Variants in SPCS2 observed in about 807,000 individuals in gnomAD.
SPCS2 encodes SPase 25 kDa subunit.
SPCS2 carries 3 observed loss-of-function variants against 22.3 expected under a neutral mutation model. That is an observed-to-expected ratio of 0.13 (90% CI 0.06 to 0.35). The LOEUF (loss-of-function observed/expected upper bound fraction) is 0.35. SPCS2 is among the 10% of genes least tolerant of loss of function. The probability of loss-of-function intolerance (pLI) is 1.00; values close to 1 mark genes in which losing one functional copy is unlikely to be tolerated. For synonymous variants in SPCS2, 67 were observed against 97.2 expected (o/e 0.69, Z 1.83); for missense variants, 169 against 280.9 (o/e 0.60, Z 2.85).
intron 1 of SPCS2, among the ~76,000 whole-genome samples, chr11:74,955,110 C>A (rs1948469420): frequency 6.6e-6 from 1 of 152,146 alleles, no homozygotes; most frequent in African/African-American, 2.4e-5. Flanking sequence ...AAATCAGAAT[C>A]TTCATATATC....
rs1180468421 is a variant in SPCS2, at chr11:74,978,339, T to A, written c.*1296T>A. ...TCTCGCACCACATGGTAGGGAATTG[T>A]GAACAACACTGGACAGAAAGTTAAA... On this transcript the variant is annotated 3_prime_UTR_variant, in exon 5 of 5. Coordinates refer to ENST00000263672, the MANE Select transcript of SPCS2 (RefSeq NM_014752.3). 1.3e-5 allele frequency: 2 copies of A among 152,264 alleles called. No homozygotes were observed. The highest frequency in any genetic ancestry group is 2.9e-5 in the Non-Finnish European group (2 of 68,050). The allele number at this position is 152,264 out of a possible 1,614,324, so 9.4% of individuals were successfully genotyped here.
intron 1 of SPCS2, among the ~76,000 whole-genome samples, chr11:74,950,246 C>T (rs1034538571): frequency 5.9e-5 from 9 of 152,146 alleles, no homozygotes; most frequent in Non-Finnish European, 7.3e-5. Flanking sequence ...TATGCTTGCT[C>T]TCTCTATATC....
At chr11:74,959,034 G>T (rs1211036134) in intron 1 of SPCS2, among the ~76,000 whole-genome samples, 2 of 152,052 alleles carry the variant, frequency 1.3e-5, no homozygotes, top group South Asian at 2.1e-4. Context: ...GGTTTCTCTC[G>T]GATGCCTCAT....
intron 3 of SPCS2, among the ~76,000 whole-genome samples, chr11:74,966,317 G>A (rs1948545341): frequency 6.6e-6 from 1 of 152,174 alleles, no homozygotes; most frequent in Admixed American, 6.5e-5. Context: ...TGGAGACTCA[G>A]ATCTGTATTA....
chr11:74,971,012 C>T (rs938393178), intron 4 of SPCS2, among the ~76,000 whole-genome samples: 2 of 152,128 alleles, frequency 1.3e-5, no homozygotes, highest in Admixed American at 1.3e-4. Flanking sequence ...TAGCTAATCA[C>T]TTCCCTATCC....
chr11:74,970,885 C>T (rs1441322322), intron 4 of SPCS2, among the ~76,000 whole-genome samples: 1 of 152,122 alleles, frequency 6.6e-6, no homozygotes, highest in Non-Finnish European at 1.5e-5. Flanking sequence ...ACATACAGTT[C>T]ACCCATTTAA....
chr11:74,969,421 AT>A, intron 3 of SPCS2, 143 bp from the exon 4 acceptor site: 1 of 725,984 alleles, frequency 1.4e-6, no homozygotes, highest in East Asian at 2.7e-5. Flanking sequence ...TGAAAATGAA[AT>A]AGCTAAATTT....
chr11:74,953,576 C>T (rs1948459064), intron 1 of SPCS2, among the ~76,000 whole-genome samples: 1 of 152,132 alleles, frequency 6.6e-6, no homozygotes, highest in Non-Finnish European at 1.5e-5. Flanking sequence ...TTTCACTTGC[C>T]ATAAAGAAGT....
chr11:74,954,239 A>T (rs902919770), intron 1 of SPCS2, among the ~76,000 whole-genome samples: 1 of 152,240 alleles, frequency 6.6e-6, no homozygotes, highest in African/African-American at 2.4e-5. Context: ...CCTGAAACTC[A>T]TATGATACTT....
intron 4 of SPCS2, among the ~76,000 whole-genome samples, chr11:74,972,942 A>T (rs1287485289): frequency 6.6e-6 from 1 of 150,716 alleles, no homozygotes; most frequent in Non-Finnish European, 1.5e-5. Context: ...CAAGGGATAT[A>T]TCATTCTCAG....
At chr11:74,967,328 A>T (rs768865687) in intron 3 of SPCS2, among the ~76,000 whole-genome samples, 1 of 152,254 alleles carries the variant, frequency 6.6e-6, no homozygotes, top group Non-Finnish European at 1.5e-5. Context: ...CAACATTATT[A>T]CAAATATCTG....
chr11:74,953,954 T>G (rs776056746), intron 1 of SPCS2, among the ~76,000 whole-genome samples: 1 of 152,238 alleles, frequency 6.6e-6, no homozygotes, highest in Non-Finnish European at 1.5e-5. Context: ...CAGCCTGATC[T>G]TAAAGCACAG....
chr11:74,970,710 A>T (rs1948579196), intron 4 of SPCS2, among the ~76,000 whole-genome samples: 1 of 152,224 alleles, frequency 6.6e-6, no homozygotes, highest in African/African-American at 2.4e-5. Context: ...TTATCTCCTG[A>T]CAGGGCTTCT....
intron 1 of SPCS2, among the ~76,000 whole-genome samples, chr11:74,963,073 A>AT (rs1948523249): frequency 6.6e-6 from 1 of 152,244 alleles, no homozygotes; most frequent in Non-Finnish European, 1.5e-5. Context: ...TTTATTTCAC[A>AT]AATAATTCAA....
At chr11:74,953,353 C>T (rs1948457596) in intron 1 of SPCS2, among the ~76,000 whole-genome samples, 1 of 151,994 alleles carries the variant, frequency 6.6e-6, no homozygotes, top group South Asian at 2.1e-4. Context: ...CCTCCATACC[C>T]GGCTAATTTT....
chr11:74,964,208 T>C (rs1238406697), intron 1 of SPCS2, among the ~76,000 whole-genome samples: 2 of 152,228 alleles, frequency 1.3e-5, no homozygotes, highest in Admixed American at 6.5e-5. Context: ...TATTCAGTTA[T>C]AGAAACATTC....
At position 74,951,887 on chromosome 11, in the gene SPCS2, G is replaced by T. The variant is rs946649034; in HGVS notation, c.114+2488G>T. Among the ~76,000 whole-genome samples the T allele has an allele frequency of 2.0e-5, 3 of 151,760 alleles. No individual in the cohort carries two copies. The East Asian group carries it at 5.8e-4, about 29-fold the overall frequency. On this transcript the variant is annotated intron_variant, in intron 1 of 4. Transcript: ENST00000263672. Reference sequence around the variant, plus strand: ...GAAAGTGGAACTGGCACCTTATTTGGGGGGAGAAAAGAAAGACATGCCAGG... The same window carrying T: ...GAAAGTGGAACTGGCACCTTATTTGTGGGGAGAAAAGAAAGACATGCCAGG...
In SPCS2 at chr11:74,969,778, T is replaced by C. The variant is rs1211126705; in HGVS notation, c.494+79T>C. The C allele has an allele frequency of 4.7e-6, 7 of 1,499,264 alleles. No individual in the cohort carries two copies. The East Asian group carries it at 6.8e-5, about 15-fold the overall frequency. 92.9% of individuals were successfully genotyped at this position (1,499,264 alleles called of 1,614,324 possible). ...GTTGTCATTATCAACAGAAGACTTA[T>C]TATGTGCCTACTCTATGTGGATCAT... is the stretch of plus-strand genomic sequence containing the variant. On this transcript the variant is annotated intron_variant, in intron 4 of 4. Transcript: ENST00000263672.
At chr11:74,966,188 A>C (rs1948544521) in intron 3 of SPCS2, among the ~76,000 whole-genome samples, 1 of 152,232 alleles carries the variant, frequency 6.6e-6, no homozygotes, top group African/African-American at 2.4e-5. Context: ...TGAGCACTTA[A>C]TAGCAAAACA....
Sources: allele counts gnomAD v4.1 joint callset (sites outside exome capture counted in the v4.1 genomes callset), GRCh38; gene constraint gnomAD v4.1.1; transcripts MANE v1.5; gene names NCBI Gene and HGNC (gene_info 2026-07-23, HGNC 2026-07-21).